Variants in IGF2BP2 observed in about 807,000 individuals in gnomAD.
IGF2BP2 encodes the protein insulin like growth factor 2 mRNA binding protein 2, also known as insulin-like growth factor 2 mRNA-binding protein 2.
IGF2BP2 carries 17 observed loss-of-function variants against 75.8 expected under a neutral mutation model. That is an observed-to-expected ratio of 0.22 (90% confidence interval 0.15 to 0.34). The LOEUF (loss-of-function observed/expected upper bound fraction) is 0.34, where lower values mean the gene tolerates loss of function less well. Ranked by LOEUF, IGF2BP2 falls within the 10% of genes least tolerant of loss-of-function variation. The pLI, the probability that IGF2BP2 is intolerant of heterozygous loss-of-function variation, is 1.00. For synonymous variants in IGF2BP2, 288 were observed against 295.6 expected (o/e 0.97, Z 0.26); for missense variants, 516 against 772.4 (o/e 0.67, Z 3.93).
chr3:185,702,063 G>A (rs560125942), intron 2 of IGF2BP2, among the ~76,000 whole-genome samples: 10 of 152,240 alleles, frequency 6.6e-5, no homozygotes, highest in Non-Finnish European at 1.0e-4. Context: ...TGTTTCCTCT[G>A]CACTTTTCGG....
intron 7 of IGF2BP2, among the ~76,000 whole-genome samples, chr3:185,679,380 T>G (rs1364223077): frequency 6.6e-6 from 1 of 152,174 alleles, no homozygotes. Context: ...AAACTCTACT[T>G]TTTTACCCCA....
At chr3:185,725,564 T>C (rs1028718660) in intron 2 of IGF2BP2, among the ~76,000 whole-genome samples, 2 of 152,154 alleles carry the variant, frequency 1.3e-5, no homozygotes, top group African/African-American at 4.8e-5. Context: ...GGGACTAATA[T>C]TGTTTTTTTC....
chr3:185,814,348 C>G (rs561968462), intron 2 of IGF2BP2, among the ~76,000 whole-genome samples: 39 of 152,272 alleles, frequency 2.6e-4, no homozygotes, highest in Non-Finnish European at 3.8e-4. Flanking sequence ...TAAAGAAAAA[C>G]ATCCACTGAA....
intron 10 of IGF2BP2, among the ~76,000 whole-genome samples, chr3:185,668,107 C>G (rs1252120857): frequency 6.6e-6 from 1 of 152,034 alleles, no homozygotes; most frequent in South Asian, 2.1e-4. Context: ...TCAAGATATG[C>G]CTGTAAAGAT....
intron 2 of IGF2BP2, among the ~76,000 whole-genome samples, chr3:185,820,216 G>GTGTA (rs1553899716): frequency 7.6e-6 from 1 of 131,754 alleles, no homozygotes; most frequent in African/African-American, 3.4e-5. Flanking sequence ...GTGTGTGTGT[G>GTGTA]TATGTGTATA....
intron 2 of IGF2BP2, among the ~76,000 whole-genome samples, chr3:185,702,685 T>A (rs1723477810): frequency 6.6e-6 from 1 of 151,990 alleles, no homozygotes; most frequent in African/African-American, 2.4e-5. Flanking sequence ...TGCCAGTCAC[T>A]TTTTCCACAC....
At chr3:185,696,983 G>A (rs1257244686) in intron 3 of IGF2BP2, among the ~76,000 whole-genome samples, 1 of 152,176 alleles carries the variant, frequency 6.6e-6, no homozygotes, top group Non-Finnish European at 1.5e-5. Flanking sequence ...GCAGAATAAA[G>A]TACAAGACTC....
intron 2 of IGF2BP2, among the ~76,000 whole-genome samples, chr3:185,802,887 C>T (rs949354125): frequency 6.6e-6 from 1 of 152,194 alleles, no homozygotes; most frequent in African/African-American, 2.4e-5. Flanking sequence ...CTTTGGAGTG[C>T]TAATGTAGCA....
At chr3:185,824,093 G>C (rs1741716335) in intron 1 of IGF2BP2, among the ~76,000 whole-genome samples, 1 of 152,010 alleles carries the variant, frequency 6.6e-6, no homozygotes, top group African/African-American at 2.4e-5. Flanking sequence ...AGAAAAATAG[G>C]AGCGCTTGAG....
chr3:185,799,507 G>A (rs970804346), intron 2 of IGF2BP2, among the ~76,000 whole-genome samples: 1 of 152,192 alleles, frequency 6.6e-6, no homozygotes, highest in Non-Finnish European at 1.5e-5. Flanking sequence ...CCAGCACTTT[G>A]GGAGGCCGAG....
In IGF2BP2 at chr3:185,689,707, G is replaced by A. The variant is rs1318822427; in HGVS notation, c.405-80C>T. The A allele has an allele frequency of 9.1e-6, 14 of 1,537,670 alleles. No homozygotes were observed. In the East Asian group the frequency reaches 1.1e-4, roughly 12 times the overall value. ...CTCCCGGCCGGGCGCGGTGGCTCAC[G>A]CCTGTAATCCCAGCACTTTGGGAGG... On this transcript the variant is annotated intron_variant, in intron 5 of 15. Coordinates refer to ENST00000382199, the MANE Select transcript of IGF2BP2 (RefSeq NM_006548.6).
At chr3:185,799,369 C>A (rs1737874391) in intron 2 of IGF2BP2, among the ~76,000 whole-genome samples, 1 of 152,098 alleles carries the variant, frequency 6.6e-6, no homozygotes, top group Admixed American at 6.5e-5. Flanking sequence ...CACTGCCTTC[C>A]ATCCCTGGGC....
Position 185,675,378 on chromosome 3 carries a change from G to A in IGF2BP2, c.989C>T (p.Thr330Ile). The A allele has an allele frequency of 1.9e-6, 3 of 1,612,840 alleles. No homozygotes were observed. The highest frequency in any genetic ancestry group is 2.5e-6 in the Non-Finnish European group (3 of 1,179,582). The change falls in exon 9 of 16, where the codon ACA becomes ATA. Residue 330 changes from threonine to isoleucine, a missense_variant. Physicochemically the swap from Thr to Ile is moderately conservative, Grantham distance 89. This residue lies in a region of IGF2BP2 where 312 missense variants were observed against 474.5 expected (regional missense o/e 0.66). Coordinates refer to ENST00000382199, the MANE Select transcript of IGF2BP2 (RefSeq NM_006548.6). ...CTCAGCACTGGCACAGGCCTCAACT[G>A]TGCCCTTCACAGTGATGGTTCTTTC... ...NPERTITVKG[T>I]VEACASAEIE...
Position 185,649,529 on chromosome 3 carries a change from C to G in IGF2BP2, c.1467G>C (p.Gln489His). The G allele has an allele frequency of 6.2e-7, 1 of 1,614,144 alleles. No individual in the cohort carries two copies. Among genetic ancestry groups the G allele is most frequent in the Non-Finnish European group, 8.5e-7 (1 of 1,180,006 alleles). Residue 489 changes from glutamine to histidine, a missense_variant, in exon 14 of 16, where the codon CAG (glutamine) becomes CAC (histidine). Transcript: ENST00000382199. ...CTTTCAGTTTCCCAAAGATCCGTCCCTGGGCCTGAGAGAGCAAGACATGAC... is the reference window on the plus strand; with the variant it reads ...CTTTCAGTTTCCCAAAGATCCGTCCGTGGGCCTGAGAGAGCAAGACATGAC... ...TGPPEAQFKA[Q>H]GRIFGKLKEE... is the part of the protein sequence containing the mutation.
At chr3:185,659,925 G>A (rs754738518) in intron 10 of IGF2BP2, among the ~76,000 whole-genome samples, 4 of 151,910 alleles carry the variant, frequency 2.6e-5, no homozygotes, top group Non-Finnish European at 4.4e-5. Context: ...CTCCCAAATA[G>A]CTGGGATTAC....
intron 2 of IGF2BP2, among the ~76,000 whole-genome samples, chr3:185,751,549 G>A (rs550230994): frequency 6.7e-6 from 1 of 149,758 alleles, no homozygotes; most frequent in South Asian, 2.1e-4. Flanking sequence ...CTCCTGCTGA[G>A]GCAGGAGAAT....
chr3:185,675,016 T>C (rs796104289), intron 9 of IGF2BP2: 46 of 172,524 alleles, frequency 2.7e-4, no homozygotes, highest in Non-Finnish European at 3.8e-4. Context: ...TTTCTTTTTT[T>C]TTTTTTTTTT....
intron 10 of IGF2BP2, among the ~76,000 whole-genome samples, chr3:185,659,202 C>G (rs538728036): frequency 6.7e-6 from 1 of 149,422 alleles, no homozygotes; most frequent in Non-Finnish European, 1.5e-5. Flanking sequence ...TATGCCTGGG[C>G]GACAGAGCAA....
In IGF2BP2 at chr3:185,812,854, C is replaced by T. The variant is rs141894003; in HGVS notation, c.239+10299G>A. On this transcript the variant is annotated intron_variant, in intron 2 of 15. Transcript: ENST00000382199. ...ATGGAACAGTGTTTAATAAAAACTG[C>T]CATAGAGAATAAAAGATACAATGTT... is the stretch of plus-strand genomic sequence containing the variant. 4.7e-3 allele frequency among the ~76,000 whole-genome samples: 716 copies of T among 152,146 alleles called. 2 individuals carry two copies. Among genetic ancestry groups the T allele is most frequent in the Admixed American group, 8.0e-3 (122 of 15,274 alleles).
Sources: gnomAD v4.1 joint callset for allele counts (sites outside exome capture counted in the v4.1 genomes callset) on GRCh38, gnomAD v4.1.1 for gene constraint, gnomAD v4.1.1 regional missense constraint, MANE v1.5 for transcripts, NCBI Gene and HGNC (gene_info 2026-07-23, HGNC 2026-07-21) for gene names.